RBFOX1: variants seen among roughly 807,000 people sequenced by gnomAD.
RBFOX1 encodes the protein RNA binding fox-1 homolog 1.
RBFOX1 carries 8 observed loss-of-function variants against 57.7 expected under a neutral mutation model. The ratio of observed to expected loss-of-function variants is 0.14; its 90% CI spans 0.08 to 0.25. RBFOX1 has a LOEUF of 0.25. RBFOX1 is among the 10% of genes least tolerant of loss of function. The probability of loss-of-function intolerance (pLI) is 1.00; values close to 1 mark genes in which losing one functional copy is unlikely to be tolerated. For missense variants in RBFOX1, 611 were observed against 548.5 expected (o/e 1.11, Z -1.14); for synonymous variants, 326 against 222.4 (o/e 1.47, Z -4.15).
At chr16:7,332,917 T>G in intron 4 of RBFOX1, 1 of 1,598,062 alleles carries the variant, frequency 6.3e-7, no homozygotes, top group Non-Finnish European at 8.5e-7. Flanking sequence ...GCTTTGTAGT[T>G]CGGAAGAAGT....
At chr16:7,675,088 C>A (rs1036754914) in intron 13 of RBFOX1, among the ~76,000 whole-genome samples, 2 of 152,174 alleles carry the variant, frequency 1.3e-5, no homozygotes, top group Non-Finnish European at 2.9e-5. Flanking sequence ...AATCAGCTAG[C>A]CAGTTCTAGC....
chr16:7,221,083 G>A (rs1457345615), intron 4 of RBFOX1, among the ~76,000 whole-genome samples: 3 of 152,110 alleles, frequency 2.0e-5, no homozygotes, highest in African/African-American at 7.2e-5. Context: ...AATGAAGCCA[G>A]GTTGATGTGA....
intron 3 of RBFOX1, among the ~76,000 whole-genome samples, chr16:5,611,687 C>G (rs1354322690): frequency 2.6e-5 from 4 of 151,172 alleles, no homozygotes; most frequent in African/African-American, 9.7e-5. Flanking sequence ...TCCATCCACC[C>G]ACTCCCCCAC....
At chr16:5,925,819 G>A (rs1379108152) in intron 4 of RBFOX1, among the ~76,000 whole-genome samples, 2 of 151,990 alleles carry the variant, frequency 1.3e-5, no homozygotes, top group African/African-American at 4.8e-5. Flanking sequence ...CTCACACATC[G>A]GCATAAACCT....
At chr16:5,328,217 A>C (rs1596533742) in intron 1 of RBFOX1, among the ~76,000 whole-genome samples, 1 of 152,184 alleles carries the variant, frequency 6.6e-6, no homozygotes. Context: ...CTTGTAAAGA[A>C]GCAATTAAGT....
intron 4 of RBFOX1, among the ~76,000 whole-genome samples, chr16:7,145,366 G>T (rs1462775741): frequency 6.6e-6 from 1 of 151,950 alleles, no homozygotes; most frequent in Non-Finnish European, 1.5e-5. Flanking sequence ...CACCACATCT[G>T]GTTCATTTTT....
chr16:6,516,392 G>T (rs1331082461), intron 2 of RBFOX1, among the ~76,000 whole-genome samples: 1 of 152,148 alleles, frequency 6.6e-6, no homozygotes, highest in Non-Finnish European at 1.5e-5. Flanking sequence ...ATATCACATA[G>T]TTGTAAGAAA....
At chr16:5,407,551 G>T (rs906324948) in intron 1 of RBFOX1, among the ~76,000 whole-genome samples, 4 of 152,048 alleles carry the variant, frequency 2.6e-5, no homozygotes, top group Admixed American at 2.6e-4. Context: ...GTCATAACAA[G>T]GCCTTTGGGC....
rs567913221 is a variant in RBFOX1 at position 7,448,797 on chromosome 16, C to T, written c.28-69350C>T. 5.9e-5 allele frequency among the ~76,000 whole-genome samples: 9 copies of T among 152,260 alleles called. 1 individual carries two copies. Among genetic ancestry groups the T allele is most frequent in the Admixed American group, 5.9e-4 (9 of 15,292 alleles). ...CTATGTTTGTCTGTCTTCACCTAAT[C>T]TTCTTGTAAGGGCACCAGCCATTGG... On this transcript the variant is annotated intron_variant, in intron 4 of 15. Coordinates refer to ENST00000550418, the MANE Select transcript of RBFOX1 (RefSeq NM_018723.4).
At chr16:5,849,365 G>C (rs531607151) in intron 3 of RBFOX1, among the ~76,000 whole-genome samples, 2 of 152,052 alleles carry the variant, frequency 1.3e-5, no homozygotes, top group Non-Finnish European at 2.9e-5. Context: ...AAATCACCAT[G>C]AGGCCCTGCT....
At chr16:5,757,725 T>C (rs2053450386) in intron 3 of RBFOX1, among the ~76,000 whole-genome samples, 1 of 152,212 alleles carries the variant, frequency 6.6e-6, no homozygotes, top group African/African-American at 2.4e-5. Flanking sequence ...AAGTTGGTCC[T>C]CATCCCCACT....
At chr16:6,777,523 T>C (rs2093823474) in intron 3 of RBFOX1, among the ~76,000 whole-genome samples, 1 of 152,190 alleles carries the variant, frequency 6.6e-6, no homozygotes, top group Non-Finnish European at 1.5e-5. Flanking sequence ...TATTTTGTAA[T>C]GCATTTCCCT....
chr16:5,851,492 G>A lies in RBFOX1; in HGVS notation c.319-15811G>A, dbSNP rs577560875. On this transcript the variant is annotated intron_variant, in intron 3 of 19. Transcript: ENST00000641259. Reference sequence around the variant, plus strand: ...GGACGGCCTAAGATTTACCAGCCCTGCCGAAGAAGATGAAATGCTCAGGGG... The same window carrying A: ...GGACGGCCTAAGATTTACCAGCCCTACCGAAGAAGATGAAATGCTCAGGGG... Among the ~76,000 whole-genome samples the A allele has an allele frequency of 7.2e-5, 11 of 152,286 alleles. No individual in the cohort carries two copies. In the East Asian group the frequency reaches 2.1e-3, roughly 29 times the overall value.
At chr16:5,761,375 C>G (rs1275953541) in intron 3 of RBFOX1, among the ~76,000 whole-genome samples, 1 of 152,124 alleles carries the variant, frequency 6.6e-6, no homozygotes, top group Non-Finnish European at 1.5e-5. Flanking sequence ...ATTTATTTCC[C>G]AAGGAATATG....
At chr16:6,407,158 T>A (rs2093310178) in intron 2 of RBFOX1, among the ~76,000 whole-genome samples, 1 of 152,196 alleles carries the variant, frequency 6.6e-6, no homozygotes, top group Non-Finnish European at 1.5e-5. Context: ...CTATATTATT[T>A]GTATCTGTAT....
intron 4 of RBFOX1, among the ~76,000 whole-genome samples, chr16:7,363,680 T>C (rs574035977): frequency 6.6e-6 from 1 of 152,290 alleles, no homozygotes; most frequent in South Asian, 2.1e-4. Context: ...GCTGGCTCCA[T>C]TTAAGTTGTT....
chr16:6,615,525 G>A (rs968681272), intron 2 of RBFOX1, among the ~76,000 whole-genome samples: 19 of 151,030 alleles, frequency 1.3e-4, no homozygotes, highest in African/African-American at 2.4e-4. Flanking sequence ...AGCCAAGATC[G>A]CACCACATCT....
intron 3 of RBFOX1, among the ~76,000 whole-genome samples, chr16:6,738,079 TAA>T (rs60577324): frequency 1.1e-4 from 16 of 140,230 alleles, no homozygotes; most frequent in East Asian, 2.0e-4. Flanking sequence ...CGGTAATTCT[TAA>T]AAAAAAAAAA....
At chr16:6,644,813 T>G (rs1247315652) in intron 2 of RBFOX1, among the ~76,000 whole-genome samples, 2 of 152,194 alleles carry the variant, frequency 1.3e-5, no homozygotes, top group African/African-American at 4.8e-5. Flanking sequence ...CCCCTAGAGC[T>G]TAGACTAAGC....
Sources: gnomAD v4.1 joint callset for allele counts (sites outside exome capture counted in the v4.1 genomes callset) on GRCh38, gnomAD v4.1.1 for gene constraint, MANE v1.5 for transcripts, NCBI Gene and HGNC (gene_info 2026-07-23, HGNC 2026-07-21) for gene names.